Variants in TENM1 observed in about 807,000 individuals in gnomAD.
TENM1 encodes the protein teneurin transmembrane protein 1, also known as teneurin-1.
Under a neutral mutation model 174.8 loss-of-function variants are expected in TENM1, and 35 were observed. That is an observed-to-expected ratio of 0.20 (90% CI 0.15 to 0.27). TENM1 has a LOEUF of 0.27. TENM1 is among the 10% of genes least tolerant of loss of function. The pLI is 1.00. For missense variants in TENM1, 1,633 were observed against 2,130.1 expected (o/e 0.77, Z 4.59); for synonymous variants, 781 against 798.7 (o/e 0.98, Z 0.37).
At chrX:124,626,532 CTGATT>C (rs2050641162) in intron 11 of TENM1, among the ~76,000 whole-genome samples, 1 of 111,963 alleles carries the variant, frequency 8.9e-6, no homozygotes, top group Non-Finnish European at 1.9e-5. Flanking sequence ...CCTTTTGGTC[CTGATT>C]CAGTTTCCCA....
the TENM1 span, among the ~76,000 whole-genome samples, chrX:125,114,050 TAACA>T: frequency 2.7e-5 from 3 of 111,391 alleles, no homozygotes; most frequent in Non-Finnish European, 5.7e-5. Context: ...ACGGAAATCA[TAACA>T]AACAGTCTCT....
intron 11 of TENM1, among the ~76,000 whole-genome samples, chrX:124,602,296 A>G (rs2050047225): frequency 9.0e-6 from 1 of 110,896 alleles, no homozygotes; most frequent in African/African-American, 3.3e-5. Context: ...TATTTATTGG[A>G]GTTCAGAAGA....
At chrX:125,128,671 C>T in the TENM1 span, among the ~76,000 whole-genome samples, 8 of 111,456 alleles carry the variant, frequency 7.2e-5, no homozygotes, top group South Asian at 3.8e-4. Flanking sequence ...AGCCACAAGA[C>T]GGAAAGAGCC....
intron 22 of TENM1, among the ~76,000 whole-genome samples, chrX:124,474,892 C>T (rs1287304515): frequency 8.9e-6 from 1 of 112,089 alleles, no homozygotes; most frequent in Non-Finnish European, 1.9e-5. Flanking sequence ...AGAAACCCCC[C>T]CTAAATGAAA....
intron 11 of TENM1, among the ~76,000 whole-genome samples, chrX:124,636,728 G>C (rs1477643270): frequency 8.9e-6 from 1 of 111,816 alleles, no homozygotes; most frequent in Non-Finnish European, 1.9e-5. Context: ...TTTGCAATTA[G>C]CCGGGTCTAT....
chrX:125,066,428 T>C, the TENM1 span, among the ~76,000 whole-genome samples: 5 of 111,603 alleles, frequency 4.5e-5, no homozygotes, highest in Admixed American at 4.8e-4. Context: ...CTTTTTATTA[T>C]TGTTCCCTTC....
intron 23 of TENM1, among the ~76,000 whole-genome samples, chrX:124,452,574 T>C (rs2061051677): frequency 1.8e-5 from 2 of 111,060 alleles, no homozygotes; most frequent in Non-Finnish European, 3.8e-5. Flanking sequence ...TGCACACGTA[T>C]GTTTATTGTG....
intron 5 of TENM1, among the ~76,000 whole-genome samples, chrX:124,686,887 T>A (rs2052379137): frequency 9.0e-6 from 1 of 111,378 alleles, no homozygotes; most frequent in Non-Finnish European, 1.9e-5. Context: ...CTCTCACCAC[T>A]CCTATTCAAC....
At chrX:124,642,021 G>T (rs1471545760) in intron 10 of TENM1, 30 bp from the exon 14 acceptor site, 2 of 1,063,698 alleles carry the variant, frequency 1.9e-6, no homozygotes, top group Non-Finnish European at 1.3e-6. Flanking sequence ...GGGGGGAGGG[G>T]TGATTAATAG....
intron 3 of TENM1, among the ~76,000 whole-genome samples, chrX:124,770,410 C>A (rs754247645): frequency 8.1e-5 from 9 of 111,178 alleles, no homozygotes; most frequent in Middle Eastern, 4.6e-3. Context: ...CATTTTTACA[C>A]CTTACTTATT....
In TENM1 at chrX:124,495,437, C is replaced by T. The variant is rs1267531382; in HGVS notation, c.3695+1579G>A. On this transcript the variant is annotated intron_variant, in intron 20 of 31. Transcript: ENST00000422452. ...AGCCCTTTGTCAGATGAGTAGGTTG[C>T]GAAAATTTTCTCCCATTTTGTAGGT... Among the ~76,000 whole-genome samples the T allele has an allele frequency of 5.3e-4, 57 of 107,858 alleles. 1 individual carries two copies. The highest frequency in any genetic ancestry group is 1.8e-3 in the African/African-American group (52 of 29,045). 93.7% of individuals were successfully genotyped at this position (107,858 alleles called of 115,157 possible).
At chrX:124,393,079 G>A (rs767642420) in intron 27 of TENM1, among the ~76,000 whole-genome samples, 29 of 110,996 alleles carry the variant, frequency 2.6e-4, no homozygotes, top group East Asian at 2.8e-4. Flanking sequence ...TTTTTCTACC[G>A]TATGGTAGCA....
At chrX:124,529,002 G>A (rs1337450918) in intron 16 of TENM1, among the ~76,000 whole-genome samples, 1 of 111,528 alleles carries the variant, frequency 9.0e-6, no homozygotes, top group African/African-American at 3.3e-5. Context: ...GTAGGTTCTT[G>A]AAATGAGATA....
chrX:124,471,216 T>TTA (rs1378864765), intron 22 of TENM1, among the ~76,000 whole-genome samples: 1 of 46,002 alleles, frequency 2.2e-5, no homozygotes, highest in Non-Finnish European at 4.0e-5. Flanking sequence ...GTACTATATA[T>TTA]TATAATATAT....
the TENM1 span, among the ~76,000 whole-genome samples, chrX:124,989,496 T>A: frequency 2.7e-5 from 3 of 111,346 alleles, no homozygotes; most frequent in Non-Finnish European, 5.7e-5. Flanking sequence ...GAATGCTTCC[T>A]TTGTAGAAAC....
the TENM1 span, among the ~76,000 whole-genome samples, chrX:125,159,299 C>T: frequency 8.9e-6 from 1 of 112,019 alleles, no homozygotes; most frequent in Non-Finnish European, 1.9e-5. Flanking sequence ...ACAGGACCCG[C>T]ACACCCATCT....
rs147943588 is a variant in TENM1, at chrX:124,515,364, A to G, written c.3301+5153T>C. ...TCCTGGCCAGAGCAATACAGCAAGA[A>G]AAAGAAATAAAAGGCATCCAAATAG... On this transcript the variant is annotated intron_variant, in intron 18 of 31. Transcript: ENST00000422452. 4.6e-3 allele frequency among the ~76,000 whole-genome samples: 508 copies of G among 111,583 alleles called. 3 individuals carry two copies. Among genetic ancestry groups the G allele is most frequent in the South Asian group, 0.011 (28 of 2,652 alleles).
chrX:124,794,030 C>G (rs748705356), intron 3 of TENM1, among the ~76,000 whole-genome samples: 1 of 110,560 alleles, frequency 9.0e-6, no homozygotes, highest in Admixed American at 9.7e-5. Flanking sequence ...AAATAAAAAC[C>G]TTCTGTATCC....
At chrX:124,786,755 C>T (rs1215022956) in intron 3 of TENM1, among the ~76,000 whole-genome samples, 1 of 111,142 alleles carries the variant, frequency 9.0e-6, no homozygotes, top group Non-Finnish European at 1.9e-5. Flanking sequence ...TTTTACTGAG[C>T]AACTGTTTAT....
Sources: gnomAD v4.1 joint callset for allele counts (sites outside exome capture counted in the v4.1 genomes callset) on GRCh38, gnomAD v4.1.1 for gene constraint, MANE v1.5 for transcripts, NCBI Gene and HGNC (gene_info 2026-07-23, HGNC 2026-07-21) for gene names.